The following GLIS3 variants were observed in gnomAD, a reference collection of about 807,000 sequenced individuals.
GLIS3 encodes GLIS family zinc finger 3, also known as zinc finger protein GLIS3.
In GLIS3, 53 loss-of-function variants were observed where a neutral mutation model predicts 78.6. The ratio of observed to expected loss-of-function variants is 0.67; its 90% CI spans 0.54 to 0.85. The LOEUF (loss-of-function observed/expected upper bound fraction) is 0.85. GLIS3 is among the 40% of genes least tolerant of loss of function. The pLI, the probability that GLIS3 is intolerant of heterozygous loss-of-function variation, is 0.00. For missense variants in GLIS3, 1,703 were observed against 1,231.1 expected (o/e 1.38, Z -5.74); for synonymous variants, 684 against 509.9 (o/e 1.34, Z -4.60).
chr9:4,201,151 A>G (rs115169568), intron 2 of GLIS3, among the ~76,000 whole-genome samples: 2,201 of 152,236 alleles, frequency 0.014, 64 homozygotes, highest in African/African-American at 0.05. Flanking sequence ...ATGATAAAAA[A>G]CCTCAAGAAA....
the GLIS3 span, among the ~76,000 whole-genome samples, chr9:4,372,503 C>A: frequency 2.0e-5 from 3 of 148,710 alleles, no homozygotes; most frequent in Non-Finnish European, 3.0e-5. Context: ...CCTCCTCTAT[C>A]TGGCTTTTAC....
intron 4 of GLIS3, among the ~76,000 whole-genome samples, chr9:4,092,152 ATTTTT>A (rs112790451): frequency 7.3e-6 from 1 of 137,620 alleles, no homozygotes; most frequent in Non-Finnish European, 1.6e-5. Flanking sequence ...CTGTTTTACA[ATTTTT>A]TTTTTTTTTT....
intron 4 of GLIS3, among the ~76,000 whole-genome samples, chr9:4,003,826 C>T (rs1256187168): frequency 6.6e-6 from 1 of 152,208 alleles, no homozygotes; most frequent in East Asian, 1.9e-4. Context: ...TTGCAACTTT[C>T]TAAAATTCTT....
intron 2 of GLIS3, among the ~76,000 whole-genome samples, chr9:4,184,797 G>T (rs1026025458): frequency 2.6e-5 from 4 of 152,190 alleles, no homozygotes; most frequent in Non-Finnish European, 5.9e-5. Flanking sequence ...AGATTATTGT[G>T]GGGTGGAGGA....
At chr9:4,480,751 C>T in the GLIS3 span, among the ~76,000 whole-genome samples, 1 of 151,252 alleles carries the variant, frequency 6.6e-6, no homozygotes, top group Non-Finnish European at 1.5e-5. Context: ...TTAACACACA[C>T]ATACATTTAA....
At chr9:4,333,212 A>G (rs1447311893) in intron 2 of GLIS3, among the ~76,000 whole-genome samples, 2 of 107,288 alleles carry the variant, frequency 1.9e-5, no homozygotes, top group Non-Finnish European at 2.0e-5. Context: ...TGAGACAAGA[A>G]TGAAAAGGGA....
chr9:4,183,822 T>A (rs562766948), intron 2 of GLIS3, among the ~76,000 whole-genome samples: 2 of 152,336 alleles, frequency 1.3e-5, no homozygotes, highest in Admixed American at 6.5e-5. Context: ...TTTCACAGGT[T>A]AGTTGTTTAC....
chr9:3,976,751 G>A (rs1364456913), intron 4 of GLIS3, among the ~76,000 whole-genome samples: 3 of 115,108 alleles, frequency 2.6e-5, no homozygotes, highest in African/African-American at 3.4e-5. Context: ...CCAACACAGT[G>A]ACAAGGTTTC....
intron 8 of GLIS3, chr9:3,878,595 T>A (rs1423730419): frequency 6.6e-6 from 1 of 152,140 alleles, no homozygotes. Context: ...TGTTCAACAA[T>A]TGCCAGAACT....
chr9:3,832,753 T>C (rs770010953), intron 9 of GLIS3, among the ~76,000 whole-genome samples: 9 of 152,222 alleles, frequency 5.9e-5, no homozygotes, highest in Non-Finnish European at 1.2e-4. Flanking sequence ...GCTATCTATA[T>C]CTTTATGCAA....
chr9:4,164,376 C>T (rs1304522775), intron 2 of GLIS3, among the ~76,000 whole-genome samples: 1 of 152,172 alleles, frequency 6.6e-6, no homozygotes, highest in Admixed American at 6.5e-5. Flanking sequence ...CCAAGGCTTG[C>T]TAATTAATTG....
At chr9:4,023,256 T>G (rs1823034104) in intron 4 of GLIS3, among the ~76,000 whole-genome samples, 1 of 152,200 alleles carries the variant, frequency 6.6e-6, no homozygotes, top group Non-Finnish European at 1.5e-5. Flanking sequence ...TTCCTGGTAC[T>G]CAAGAACAAA....
chr9:3,839,672 A>G (rs1169543785), intron 9 of GLIS3, among the ~76,000 whole-genome samples: 8 of 152,032 alleles, frequency 5.3e-5, no homozygotes, highest in African/African-American at 9.7e-5. Context: ...TCAAATTTTT[A>G]TCTATTCAAG....
At chr9:4,453,784 T>C in the GLIS3 span, among the ~76,000 whole-genome samples, 1 of 151,648 alleles carries the variant, frequency 6.6e-6, no homozygotes, top group Non-Finnish European at 1.5e-5. Flanking sequence ...CACTCATAGT[T>C]GGGAATTGAA....
chr9:3,965,193 C>CTTTTCT (rs1348979655), intron 4 of GLIS3, among the ~76,000 whole-genome samples: 3 of 100,154 alleles, frequency 3.0e-5, no homozygotes, highest in East Asian at 3.1e-4. Flanking sequence ...CTTTTCTTTT[C>CTTTTCT]TTTTTTTTTT....
intron 4 of GLIS3, among the ~76,000 whole-genome samples, chr9:3,938,940 G>C: frequency 6.6e-6 from 1 of 152,180 alleles, no homozygotes; most frequent in East Asian, 1.9e-4. Flanking sequence ...CCAAACCTCT[G>C]TTTTTAGGGT....
chr9:4,271,393 A>G (rs1826494134), intron 2 of GLIS3, among the ~76,000 whole-genome samples: 1 of 152,154 alleles, frequency 6.6e-6, no homozygotes, highest in Admixed American at 6.5e-5. Context: ...AGCACCCCTA[A>G]CCTCCATATT....
At position 4,098,081 on chromosome 9, in the gene GLIS3, G is replaced by A. The variant is rs73392565; in HGVS notation, c.1710+19687C>T. On this transcript the variant is annotated intron_variant, in intron 4 of 10. Transcript: ENST00000381971. ...AGAGTCTTCCACACAGCAGGACACT[G>A]GATGATTAAAGAATGAAGAGCTGGT... is the stretch of plus-strand genomic sequence containing the variant. 1.4e-3 allele frequency among the ~76,000 whole-genome samples: 219 copies of A among 152,234 alleles called. 1 individual carries two copies. Among genetic ancestry groups the A allele is most frequent in the African/African-American group, 5.2e-3 (214 of 41,508 alleles).
At chr9:4,460,390 C>G in the GLIS3 span, among the ~76,000 whole-genome samples, 1 of 152,206 alleles carries the variant, frequency 6.6e-6, no homozygotes. Flanking sequence ...TCTGCACATA[C>G]TGTAACTTCT....
Sources: gnomAD v4.1 joint callset for allele counts (sites outside exome capture counted in the v4.1 genomes callset) on GRCh38, gnomAD v4.1.1 for gene constraint, MANE v1.5 for transcripts, NCBI Gene and HGNC (gene_info 2026-07-23, HGNC 2026-07-21) for gene names.